Variants in PLIN3 observed in about 807,000 individuals in gnomAD.
The protein encoded by PLIN3 is perilipin 3.
A neutral mutation model predicts 35.9 loss-of-function variants in PLIN3; 30 were observed. The ratio of observed to expected loss-of-function variants is 0.84; its 90% confidence interval spans 0.62 to 1.13. The LOEUF is 1.13. Among genes scored for constraint, PLIN3 ranks in the 50% most tolerant of loss-of-function variants. The pLI is 0.00. For synonymous variants in PLIN3, 261 were observed against 262.5 expected (o/e 0.99, Z 0.06); for missense variants, 603 against 596.9 (o/e 1.01, Z -0.11).
At chr19:4,852,396 G>A (rs1279659139) in intron 4 of PLIN3, 95 bp from the exon 5 acceptor site, 2 of 1,448,268 alleles carry the variant, frequency 1.4e-6, no homozygotes, top group Non-Finnish European at 1.9e-6. Context: ...GAGGCGGGGA[G>A]CGCCATCCCC....
rs546930781 is a variant in PLIN3, at chr19:4,863,582, G to T, written c.-17-2171C>A. 4.0e-5 allele frequency among the ~76,000 whole-genome samples: 6 copies of T among 151,590 alleles called. No individual in the cohort carries two copies. The Admixed American group carries it at 4.0e-4, about 10-fold the overall frequency. On this transcript the variant is annotated intron_variant, in intron 1 of 7. Coordinates refer to ENST00000221957, the MANE Select transcript of PLIN3 (RefSeq NM_005817.5). The stretch of plus-strand genomic sequence containing the variant: ...ACCTCTAATCCCAGCACTTTGGGAG[G>T]CCGAGGCAGGAGGATCACCTGAGGT...
At chr19:4,846,608 A>G (rs996902089) in intron 6 of PLIN3, among the ~76,000 whole-genome samples, 1 of 152,104 alleles carries the variant, frequency 6.6e-6, no homozygotes, top group Non-Finnish European at 1.5e-5. Context: ...TGGAGGCCCA[A>G]GAATCACTTG....
In PLIN3 at chr19:4,861,426, A is replaced by G. The variant is rs111320902; in HGVS notation, c.-17-15T>C. ...TGCAGCAGACGCTGAGGAGAGAGGA[A>G]CAGTCAGGTACAGCCTGCCTGGCCC... On this transcript the variant is annotated splice_polypyrimidine_tract_variant and intron_variant, in intron 1 of 7. Coordinates refer to ENST00000221957, the MANE Select transcript of PLIN3 (RefSeq NM_005817.5). 509 of 1,583,938 alleles carry G rather than the reference A, an allele frequency of 3.2e-4. 2 individuals carry two copies. The African/African-American group carries it at 5.8e-3, about 18-fold the overall frequency.
chr19:4,841,796 T>C (rs1463068723), intron 7 of PLIN3, among the ~76,000 whole-genome samples: 2 of 148,826 alleles, frequency 1.3e-5, no homozygotes, highest in African/African-American at 5.0e-5. Context: ...TCCTAGTTAC[T>C]TAGGAGGCTG....
rs1203062132 is a variant in PLIN3 at position 4,839,297 on chromosome 19, G to C, written c.1200C>G (p.Ala400=). Residue 400 remains alanine, a synonymous_variant, in exon 8 of 8, where the codon GCC becomes GCG. Transcript: ENST00000221957. ...CCACATATTCCACCATGTGGTCCAG[G>C]GCCTCGCGGGCGCTGGCGACACGCT... ...SRERVASARE[A]LDHMVEYVAQ... The C allele has an allele frequency of 2.5e-6, 4 of 1,614,050 alleles. No individual in the cohort carries two copies. Among genetic ancestry groups the C allele is most frequent in the Non-Finnish European group, 3.4e-6 (4 of 1,180,016 alleles).
At position 4,838,657 on chromosome 19, in the gene PLIN3, T is replaced by A. The variant is rs1405535299; in HGVS notation, c.*535A>T. 6.6e-6 allele frequency: 1 copy of A among 151,306 alleles called. No homozygotes were observed. The highest frequency in any genetic ancestry group is 2.1e-4 in the South Asian group (1 of 4,798). The allele number at this position is 151,306 out of a possible 1,614,324, so 9.4% of individuals were successfully genotyped here. A position where few individuals can be genotyped will look rare whatever the true frequency, so the allele number is the denominator to read the frequency against. On this transcript the variant is annotated 3_prime_UTR_variant, in exon 8 of 8. Coordinates refer to ENST00000221957, the MANE Select transcript of PLIN3 (RefSeq NM_005817.5). ...GTGCAATGGCGCGATCTTGGCTCAC[T>A]GCAACCTCCGCCTCTCAGGTTCAAG...
At chr19:4,864,248 G>A (rs530204530) in intron 1 of PLIN3, among the ~76,000 whole-genome samples, 3 of 151,608 alleles carry the variant, frequency 2.0e-5, no homozygotes, top group South Asian at 2.1e-4. Flanking sequence ...CGCCTTCTGG[G>A]TTCAAGCGAT....
Position 4,850,709 on chromosome 19 carries a change from A to C in PLIN3, c.634+1307T>G, listed in dbSNP as rs2030262093. 2.0e-5 allele frequency among the ~76,000 whole-genome samples: 3 copies of C among 148,794 alleles called. 1 individual carries two copies. The highest frequency in any genetic ancestry group is 7.5e-5 in the African/African-American group (3 of 40,114). On this transcript the variant is annotated intron_variant, in intron 5 of 7. Transcript: ENST00000221957. ...CTTGGCCTCCCAAAGTGCTGGGATT[A>C]CAGGCGTGACCCACCGTGCCCGGCC...
At chr19:4,841,777 A>G (rs541553648) in intron 7 of PLIN3, among the ~76,000 whole-genome samples, 2 of 151,014 alleles carry the variant, frequency 1.3e-5, no homozygotes, top group Non-Finnish European at 3.0e-5. Context: ...TGGTGGCGGG[A>G]GCCTGTAGTC....
intron 2 of PLIN3, among the ~76,000 whole-genome samples, chr19:4,860,267 T>C (rs2030630025): frequency 6.6e-6 from 1 of 152,044 alleles, no homozygotes; most frequent in Non-Finnish European, 1.5e-5. Context: ...AGTGCACTGA[T>C]GCGATCTCAG....
chr19:4,844,928 G>A, intron 6 of PLIN3, 135 bp from the exon 7 acceptor site: 3 of 1,027,768 alleles, frequency 2.9e-6, no homozygotes, highest in Middle Eastern at 2.3e-4. Flanking sequence ...GAGGGAGGAA[G>A]GGTTTCCTGG....
chr19:4,852,880 T>A (rs1355127192), intron 4 of PLIN3, among the ~76,000 whole-genome samples: 1 of 151,968 alleles, frequency 6.6e-6, no homozygotes, highest in Non-Finnish European at 1.5e-5. Context: ...AATTGTGTGA[T>A]CTCGGCTCAC....
chr19:4,843,364 T>C (rs903460651), intron 7 of PLIN3, among the ~76,000 whole-genome samples: 4 of 151,446 alleles, frequency 2.6e-5, no homozygotes, highest in East Asian at 3.9e-4. Flanking sequence ...AAAAATTAGC[T>C]GGGCCTGGTG....
intron 7 of PLIN3, 118 bp downstream of exon 7, chr19:4,844,550 A>C (rs566506693): frequency 1.7e-6 from 2 of 1,146,030 alleles, no homozygotes; most frequent in South Asian, 3.7e-5. Context: ...ATTAGCTTCC[A>C]AAAGCAGGTG....
chr19:4,847,972 C>T (rs1188838200), intron 5 of PLIN3, 82 bp from the exon 6 acceptor site: 2 of 954,826 alleles, frequency 2.1e-6, no homozygotes, highest in Admixed American at 2.2e-5. Context: ...CCAAGAATCA[C>T]ACTGTCCAGT....
At chr19:4,848,166 T>A (rs1189954711) in intron 5 of PLIN3, among the ~76,000 whole-genome samples, 1 of 152,088 alleles carries the variant, frequency 6.6e-6, no homozygotes, top group Admixed American at 6.6e-5. Flanking sequence ...GTATTTTTAG[T>A]AGAGACGGGG....
chr19:4,860,091 G>A (rs1486915536), intron 2 of PLIN3, 67 bp from the exon 3 acceptor site: 3 of 1,450,142 alleles, frequency 2.1e-6, no homozygotes, highest in Non-Finnish European at 2.9e-6. Context: ...GGAAACTCAG[G>A]GTGCCCTGCA....
At chr19:4,865,065 G>C (rs1187990870) in intron 1 of PLIN3, among the ~76,000 whole-genome samples, 1 of 152,044 alleles carries the variant, frequency 6.6e-6, no homozygotes, top group Non-Finnish European at 1.5e-5. Flanking sequence ...GGTGGCGGGC[G>C]CCTGTAGTCC....
chr19:4,852,846 C>T (rs972336819), intron 4 of PLIN3, among the ~76,000 whole-genome samples: 1 of 151,670 alleles, frequency 6.6e-6, no homozygotes, highest in African/African-American at 2.4e-5. Flanking sequence ...TGGAGTTTCA[C>T]TCTCGTTGCC....
Sources: gnomAD v4.1 joint callset for allele counts (sites outside exome capture counted in the v4.1 genomes callset) on GRCh38, gnomAD v4.1.1 for gene constraint, MANE v1.5 for transcripts, NCBI Gene and HGNC (gene_info 2026-07-23, HGNC 2026-07-21) for gene names.